The following RBFOX1 variants were observed in gnomAD, a reference collection of about 807,000 sequenced individuals.
RBFOX1 encodes the protein RNA binding protein fox-1 homolog 1.
A neutral mutation model predicts 57.7 loss-of-function variants in RBFOX1; 8 were observed. The observed-to-expected ratio is 0.14, with a 90% CI of 0.08 to 0.25. The LOEUF (loss-of-function observed/expected upper bound fraction) is 0.25. Ranked by LOEUF, RBFOX1 falls within the 10% of genes least tolerant of loss-of-function variation. The pLI is 1.00. For missense variants in RBFOX1, 611 were observed against 548.5 expected, an observed-to-expected ratio of 1.11 and a Z score of -1.14; for synonymous variants, 326 against 222.4, an observed-to-expected ratio of 1.47 and a Z score of -4.15.
chr16:5,747,360 C>G (rs1283889791), intron 3 of RBFOX1, among the ~76,000 whole-genome samples: 1 of 152,154 alleles, frequency 6.6e-6, no homozygotes, highest in African/African-American at 2.4e-5. Flanking sequence ...TTTGTTGTGT[C>G]TCTGCCAGGC....
At chr16:7,260,897 C>G (rs557365993) in intron 4 of RBFOX1, among the ~76,000 whole-genome samples, 1 of 152,186 alleles carries the variant, frequency 6.6e-6, no homozygotes, top group Non-Finnish European at 1.5e-5. Flanking sequence ...GATGCAGTCA[C>G]TGGGGTTGGA....
At chr16:5,363,199 A>AT (rs533158906) in intron 1 of RBFOX1, among the ~76,000 whole-genome samples, 7,013 of 121,666 alleles carry the variant, frequency 0.058, 499 homozygotes, top group African/African-American at 0.17. Flanking sequence ...GCCCCTGGCT[A>AT]TTTTTTTTTT....
intron 2 of RBFOX1, among the ~76,000 whole-genome samples, chr16:6,397,239 C>A (rs747741896): frequency 1.2e-4 from 18 of 151,936 alleles, no homozygotes; most frequent in African/African-American, 4.4e-4. Context: ...TTTTAATTTC[C>A]ACGTCATAGT....
At chr16:6,805,627 C>G (rs890550555) in intron 3 of RBFOX1, among the ~76,000 whole-genome samples, 7 of 152,072 alleles carry the variant, frequency 4.6e-5, no homozygotes, top group Non-Finnish European at 7.3e-5. Context: ...TTCCTGGTAT[C>G]TCTTCGAGGA....
intron 3 of RBFOX1, among the ~76,000 whole-genome samples, chr16:6,718,858 TTTG>T (rs1214683714): frequency 1.3e-5 from 2 of 152,234 alleles, no homozygotes; most frequent in South Asian, 4.2e-4. Context: ...TATCTTTTTT[TTTG>T]TTGTTGTTGC....
intron 2 of RBFOX1, among the ~76,000 whole-genome samples, chr16:5,477,892 A>T (rs1329249743): frequency 6.6e-6 from 1 of 152,172 alleles, no homozygotes; most frequent in African/African-American, 2.4e-5. Context: ...GTTAGCTGAG[A>T]CAGAAAGGGC....
chr16:7,161,758 G>C (rs1288501615), intron 4 of RBFOX1, among the ~76,000 whole-genome samples: 2 of 152,170 alleles, frequency 1.3e-5, no homozygotes, highest in African/African-American at 4.8e-5. Context: ...AATCTTGCAA[G>C]AATACAAACC....
chr16:6,701,914 C>G (rs1219283791), intron 3 of RBFOX1, among the ~76,000 whole-genome samples: 2 of 152,018 alleles, frequency 1.3e-5, no homozygotes, highest in Non-Finnish European at 2.9e-5. Context: ...CACACGGACA[C>G]AAAGGGACAA....
intron 1 of RBFOX1, among the ~76,000 whole-genome samples, chr16:5,312,273 A>C (rs180762631): frequency 6.6e-6 from 1 of 152,290 alleles, no homozygotes; most frequent in Admixed American, 6.5e-5. Context: ...AGGGCTGTTG[A>C]AACTTAGGGC....
intron 2 of RBFOX1, among the ~76,000 whole-genome samples, chr16:6,410,602 C>T (rs113026426): frequency 2.4e-4 from 37 of 152,214 alleles, no homozygotes; most frequent in African/African-American, 7.7e-4. Context: ...TGAGCCACCG[C>T]GCACCTTCTA....
At chr16:7,148,330 A>G (rs17737400) in intron 4 of RBFOX1, among the ~76,000 whole-genome samples, 22,459 of 152,216 alleles carry the variant, frequency 0.15, 1,754 homozygotes, top group East Asian at 0.25. Flanking sequence ...GGAAACTCCA[A>G]GAAGCCTGAT....
At chr16:5,770,743 G>A (rs1386256596) in intron 3 of RBFOX1, among the ~76,000 whole-genome samples, 1 of 152,186 alleles carries the variant, frequency 6.6e-6, no homozygotes, top group Non-Finnish European at 1.5e-5. Flanking sequence ...TTATTCCACT[G>A]TTTAAACACC....
At chr16:6,665,665 G>A (rs1392886008) in intron 3 of RBFOX1, among the ~76,000 whole-genome samples, 1 of 149,712 alleles carries the variant, frequency 6.7e-6, no homozygotes, top group African/African-American at 2.5e-5. Context: ...GTCACCTAAT[G>A]AAACCTTGAC....
intron 1 of RBFOX1, among the ~76,000 whole-genome samples, chr16:5,257,577 C>G (rs1466032920): frequency 1.3e-5 from 2 of 152,206 alleles, no homozygotes; most frequent in Non-Finnish European, 2.9e-5. Flanking sequence ...TCTCATGCAG[C>G]CAGCCTGTCT....
intron 4 of RBFOX1, among the ~76,000 whole-genome samples, chr16:7,397,473 A>G (rs1441232062): frequency 1.3e-5 from 2 of 152,196 alleles, no homozygotes; most frequent in African/African-American, 4.8e-5. Context: ...TGAGATGAGT[A>G]GAAACATAGA....
chr16:7,151,012 C>A (rs75729103), intron 4 of RBFOX1, among the ~76,000 whole-genome samples: 2 of 152,156 alleles, frequency 1.3e-5, no homozygotes, highest in South Asian at 2.1e-4. Context: ...AAAGCAGATA[C>A]GCTCCTTTCC....
chr16:7,589,146 A>G (rs781266957), intron 7 of RBFOX1, among the ~76,000 whole-genome samples: 1 of 152,210 alleles, frequency 6.6e-6, no homozygotes, highest in African/African-American at 2.4e-5. Flanking sequence ...AGCCTTCTGT[A>G]TTCTTGGCGA....
At chr16:7,423,123 G>C (rs2098558666) in intron 4 of RBFOX1, 1 of 150,082 alleles carries the variant, frequency 6.7e-6, no homozygotes, top group Non-Finnish European at 1.5e-5. Flanking sequence ...GAGAGAGAGA[G>C]AGAGAGAATA....
chr16:5,957,808 G>A (rs2059675516), intron 4 of RBFOX1, among the ~76,000 whole-genome samples: 2 of 152,168 alleles, frequency 1.3e-5, no homozygotes, highest in Admixed American at 1.3e-4. Context: ...GATCCTTTGT[G>A]TTACAAACAA....
Sources: allele counts gnomAD v4.1 joint callset (sites outside exome capture counted in the v4.1 genomes callset), GRCh38; gene constraint gnomAD v4.1.1; transcripts MANE v1.5; gene names NCBI Gene and HGNC (gene_info 2026-07-23, HGNC 2026-07-21).